Variants in EPDR1 observed in about 807,000 individuals in gnomAD.
EPDR1 encodes mammalian ependymin-related protein 1.
In EPDR1, 27 loss-of-function variants were observed where a neutral mutation model predicts 23.7. That is an observed-to-expected ratio of 1.14 (90% CI 0.84 to 1.57). The LOEUF (loss-of-function observed/expected upper bound fraction) is 1.57. Among genes scored for constraint, EPDR1 ranks in the 40% most tolerant of loss-of-function variants. The pLI is 0.00. For synonymous variants in EPDR1, 137 were observed against 118.2 expected, an observed-to-expected ratio of 1.16 and a Z score of -1.03; for missense variants, 349 against 290.4, an observed-to-expected ratio of 1.20 and a Z score of -1.47.
intron 1 of EPDR1, among the ~76,000 whole-genome samples, chr7:37,945,713 C>CT (rs202159241): frequency 2.0e-5 from 3 of 152,096 alleles, no homozygotes; most frequent in African/African-American, 7.2e-5. Flanking sequence ...CTGTATTATA[C>CT]TTTTTTTTCT....
chr7:37,927,648 ATCC>A lies in EPDR1; in HGVS notation c.269+6443_269+6445del, dbSNP rs144128176. On this transcript the variant is annotated intron_variant, in intron 1 of 2. Coordinates refer to ENST00000199448, the MANE Select transcript of EPDR1 (RefSeq NM_017549.5). ...GATTCTCAGTATGTCATCATTACAA[ATCC>A]TCAGAGGGTGTTTCTGTGTGACTGG... Among the ~76,000 whole-genome samples the A allele has an allele frequency of 4.2e-3, 634 of 152,354 alleles. 5 individuals are homozygous for A. The highest frequency in any genetic ancestry group is 0.014 in the African/African-American group (566 of 41,588).
At chr7:37,935,993 CATATATATATAT>C (rs752536687) in intron 1 of EPDR1, among the ~76,000 whole-genome samples, 3,600 of 45,560 alleles carry the variant, frequency 0.079, 378 homozygotes, top group Middle Eastern at 0.11. Context: ...CAAATCATGG[CATATATATATAT>C]ATATATATAT....
At chr7:37,929,086 C>G (rs1447533252) in intron 1 of EPDR1, among the ~76,000 whole-genome samples, 1 of 152,196 alleles carries the variant, frequency 6.6e-6, no homozygotes, top group Admixed American at 6.5e-5. Flanking sequence ...CCCATTGGCA[C>G]TTGAATCTGT....
chr7:37,933,796 T>A (rs985797048), intron 1 of EPDR1, among the ~76,000 whole-genome samples: 6 of 152,140 alleles, frequency 3.9e-5, no homozygotes, highest in Non-Finnish European at 7.3e-5. Flanking sequence ...AAAGGAGTGG[T>A]TTTTATTCAT....
intron 1 of EPDR1, among the ~76,000 whole-genome samples, chr7:37,943,949 T>A (rs1786221031): frequency 6.6e-6 from 1 of 152,230 alleles, no homozygotes; most frequent in Non-Finnish European, 1.5e-5. Context: ...CAGGCATCTG[T>A]GGCCCTTGAT....
intron 1 of EPDR1, among the ~76,000 whole-genome samples, chr7:37,937,079 A>C (rs988404479): frequency 1.3e-5 from 2 of 152,224 alleles, no homozygotes; most frequent in African/African-American, 4.8e-5. Context: ...AGTGGAATAA[A>C]ATAGAGTCTT....
rs921030472 is a variant in EPDR1, at chr7:37,948,831, G to A, written c.270-9G>A. 6.2e-7 allele frequency: 1 copy of A among 1,612,662 alleles called. No homozygotes were observed. Among genetic ancestry groups the A allele is most frequent in the Non-Finnish European group, 8.5e-7 (1 of 1,178,866 alleles). ...AGTCCCAAACTACTTCTTTCCATCT[G>A]TGTTTCAGATTATTTGAATATATTT... On this transcript the variant is annotated splice_polypyrimidine_tract_variant and intron_variant, in intron 1 of 2. Transcript: ENST00000199448.
chr7:37,922,667 G>GGGC (rs1554372852), intron 1 of EPDR1, among the ~76,000 whole-genome samples: 1 of 148,082 alleles, frequency 6.8e-6, no homozygotes, highest in Non-Finnish European at 1.5e-5. Context: ...GAGGAAGCTA[G>GGGC]GGGGGGGTTC....
At chr7:37,936,091 T>C (rs1786046317) in intron 1 of EPDR1, among the ~76,000 whole-genome samples, 2 of 143,992 alleles carry the variant, frequency 1.4e-5, no homozygotes, top group South Asian at 4.5e-4. Context: ...TTCTCACTTA[T>C]GAATATTGAT....
intron 1 of EPDR1, among the ~76,000 whole-genome samples, chr7:37,928,991 G>T (rs982172483): frequency 3.9e-5 from 6 of 152,062 alleles, no homozygotes; most frequent in African/African-American, 1.4e-4. Flanking sequence ...GCCACTTCTT[G>T]GCTCAGGATC....
At chr7:37,937,235 A>G (rs1305894885) in intron 1 of EPDR1, among the ~76,000 whole-genome samples, 1 of 152,222 alleles carries the variant, frequency 6.6e-6, no homozygotes, top group Non-Finnish European at 1.5e-5. Context: ...CCGTACATAA[A>G]AATAAACTGC....
At chr7:37,944,411 A>T (rs979703163) in intron 1 of EPDR1, among the ~76,000 whole-genome samples, 3 of 152,224 alleles carry the variant, frequency 2.0e-5, no homozygotes, top group Non-Finnish European at 2.9e-5. Context: ...CTGGTGAGGA[A>T]GGTAAATATG....
chr7:37,931,916 G>A (rs1785949607), intron 1 of EPDR1, among the ~76,000 whole-genome samples: 1 of 152,046 alleles, frequency 6.6e-6, no homozygotes, highest in Non-Finnish European at 1.5e-5. Context: ...CACTGTGTTA[G>A]CCAGGATGGT....
At position 37,950,292 on chromosome 7, in the gene EPDR1, T is replaced by C; in HGVS notation, c.571T>C (p.Phe191Leu). ...CTACAGTGTGATATTGTCTACGCGG[T>C]TTTTTGACATCCAGCTGGGTATTAA... ...INYSVILSTR[F>L]FDIQLGIKDP... The change falls in exon 3 of 3, where the codon TTT (phenylalanine) becomes CTT (leucine). Residue 191 changes from phenylalanine (F) to leucine (L), a missense_variant. Coordinates refer to ENST00000199448, the MANE Select transcript of EPDR1 (RefSeq NM_017549.5). 1 of 1,613,858 alleles carries C rather than the reference T, an allele frequency of 6.2e-7. No homozygotes were observed. The highest frequency in any genetic ancestry group is 8.5e-7 in the Non-Finnish European group (1 of 1,179,894).
intron 1 of EPDR1, among the ~76,000 whole-genome samples, chr7:37,924,954 T>C (rs558205934): frequency 6.6e-6 from 1 of 152,346 alleles, no homozygotes; most frequent in South Asian, 2.1e-4. Context: ...CAGATAGTTA[T>C]GGAAAATCCC....
At position 37,948,904 on chromosome 7, in the gene EPDR1, C is replaced by A. The variant is rs367672491; in HGVS notation, c.334C>A (p.Gln112Lys). The A allele has an allele frequency of 6.2e-7, 1 of 1,614,028 alleles. No homozygotes were observed. The highest frequency in any genetic ancestry group is 1.3e-5 in the African/African-American group (1 of 74,910). The change falls in exon 2 of 3, where the codon CAG becomes AAG. Residue 112 changes from glutamine (Q) to lysine (K), a missense_variant. Physicochemically the swap from Gln to Lys is moderately conservative, Grantham distance 53 (BLOSUM62 1). Coordinates refer to ENST00000199448, the MANE Select transcript of EPDR1 (RefSeq NM_017549.5). ...VMFQIDQATK[Q>K]CSKMTLTQPW... ...GTTTCAGATTGACCAAGCCACCAAG[C>A]AGTGCTCAAAGATGACCCTGACACA... is the stretch of plus-strand genomic sequence containing the variant.
intron 1 of EPDR1, among the ~76,000 whole-genome samples, chr7:37,926,931 G>A (rs1381800563): frequency 6.6e-6 from 1 of 151,900 alleles, no homozygotes; most frequent in Admixed American, 6.6e-5. Flanking sequence ...ATTTGCTCTC[G>A]TTGTTTACTT....
chr7:37,930,188 T>C (rs1466886262), intron 1 of EPDR1, among the ~76,000 whole-genome samples: 1 of 152,166 alleles, frequency 6.6e-6, no homozygotes, highest in African/African-American at 2.4e-5. Context: ...ATGTGGGCCC[T>C]GCCGATGAGT....
At chr7:37,950,150 A>G in intron 2 of EPDR1, 50 bp from the exon 3 acceptor site, 1 of 1,365,830 alleles carries the variant, frequency 7.3e-7, no homozygotes, top group Non-Finnish European at 1.0e-6. Flanking sequence ...AAAAATATGA[A>G]CTTCTTGCCT....
Sources: gnomAD v4.1 joint callset for allele counts (sites outside exome capture counted in the v4.1 genomes callset) on GRCh38, gnomAD v4.1.1 for gene constraint, MANE v1.5 for transcripts, NCBI Gene and HGNC (gene_info 2026-07-23, HGNC 2026-07-21) for gene names.